The following CCDC30 variants were observed in gnomAD, a reference collection of about 807,000 sequenced individuals.
The protein encoded by CCDC30 is coiled-coil domain containing 30.
In CCDC30, 70 loss-of-function variants were observed where a neutral mutation model predicts 100.2. That is an observed-to-expected ratio of 0.70 (90% CI 0.58 to 0.85). The LOEUF (loss-of-function observed/expected upper bound fraction) is 0.85. Ranked by LOEUF, CCDC30 falls within the 40% of genes least tolerant of loss-of-function variation. The pLI is 0.00. For synonymous variants in CCDC30, 233 were observed against 269.5 expected, an observed-to-expected ratio of 0.86 and a Z score of 1.33; for missense variants, 652 against 771.2, an observed-to-expected ratio of 0.85 and a Z score of 1.83.
At chr1:42,644,663 A>C (rs777213472) in intron 13 of CCDC30, 30 bp from the exon 18 acceptor site, 2 of 1,328,496 alleles carry the variant, frequency 1.5e-6, no homozygotes, top group Non-Finnish European at 2.2e-6. Flanking sequence ...AGAAATCTCT[A>C]ATCATGCCAC....
intron 6 of CCDC30, among the ~76,000 whole-genome samples, chr1:42,544,475 G>A (rs903796155): frequency 6.6e-6 from 1 of 152,126 alleles, no homozygotes; most frequent in Non-Finnish European, 1.5e-5. Flanking sequence ...CAGGGTAGGG[G>A]CTACAATATA....
rs764031027 is a variant in CCDC30, at chr1:42,644,802, G to T, written c.1666G>T (p.Gly556Ter). 1.9e-6 allele frequency: 3 copies of T among 1,600,020 alleles called. No individual in the cohort carries two copies. Among genetic ancestry groups the T allele is most frequent in the Admixed American group, 3.3e-5 (2 of 59,996 alleles). Residue 556 changes from glycine to a stop codon, truncating the protein, a stop_gained, in exon 14 of 17, where the codon GGA becomes TGA. Transcript: ENST00000668663. LOFTEE classifies it high-confidence loss of function. ...TATAAGGAGCATCCATATTCGCAGAGGAGAGGTAAGATGTGTGCTTCCTAT... is the reference window on the plus strand; with the variant it reads ...TATAAGGAGCATCCATATTCGCAGATGAGAGGTAAGATGTGTGCTTCCTAT...
intron 6 of CCDC30, chr1:42,500,296 T>A (rs1644289924): frequency 6.2e-7 from 1 of 1,610,696 alleles, no homozygotes; most frequent in African/African-American, 1.3e-5. Context: ...CAGTTTCGAC[T>A]TATCGAATTT....
rs916623103 is a variant in CCDC30, at chr1:42,570,724, T to C, written c.636+4249T>C. Among the ~76,000 whole-genome samples the C allele has an allele frequency of 2.0e-5, 3 of 152,204 alleles. No homozygotes were observed. The South Asian group carries it at 6.2e-4, about 32-fold the overall frequency. On this transcript the variant is annotated intron_variant, in intron 7 of 16. Transcript: ENST00000668663. ...TATATTTCAAAAATATAATCAGTAT[T>C]TATACCTTGTGTCTGCCTTATGATA...
chr1:42,536,495 A>G (rs776576084), intron 6 of CCDC30: 1 of 1,607,154 alleles, frequency 6.2e-7, no homozygotes, highest in Non-Finnish European at 8.5e-7. Context: ...ATGAGCCAAG[A>G]AAAAAATGAA....
intron 11 of CCDC30, among the ~76,000 whole-genome samples, chr1:42,632,105 A>G (rs544232775): frequency 6.6e-6 from 1 of 152,322 alleles, no homozygotes; most frequent in South Asian, 2.1e-4. Context: ...AGCAAGTCTC[A>G]GAGTCTCACC....
At chr1:42,579,636 AAAAGAGAGAGAGAGAG>A (rs2148589329) in intron 8 of CCDC30, among the ~76,000 whole-genome samples, 1 of 151,904 alleles carries the variant, frequency 6.6e-6, no homozygotes, top group South Asian at 2.1e-4. Context: ...CTCTGTCTCA[AAAAGAGAGAGAGAGAG>A]AAAGAGAGAG....
intron 3 of CCDC30, among the ~76,000 whole-genome samples, chr1:42,485,857 C>T (rs1305914506): frequency 6.6e-6 from 1 of 152,046 alleles, no homozygotes; most frequent in Non-Finnish European, 1.5e-5. Context: ...TAAACATATA[C>T]AATTATTATT....
chr1:42,634,596 A>T (rs1486146842), intron 11 of CCDC30, among the ~76,000 whole-genome samples: 1 of 152,192 alleles, frequency 6.6e-6, no homozygotes, highest in Non-Finnish European at 1.5e-5. Flanking sequence ...TAGTGGTAGT[A>T]TGGATGCTTT....
intron 12 of CCDC30, among the ~76,000 whole-genome samples, chr1:42,640,871 G>A (rs183884720): frequency 8.2e-4 from 124 of 152,008 alleles, no homozygotes; most frequent in Admixed American, 2.1e-3. Context: ...TCCAGCCTGG[G>A]TGAAAGACAA....
chr1:42,610,721 G>A (rs558300447), intron 10 of CCDC30, among the ~76,000 whole-genome samples: 12 of 152,166 alleles, frequency 7.9e-5, no homozygotes, highest in South Asian at 2.1e-4. Flanking sequence ...CATCACACGC[G>A]GCCTTGGAAG....
chr1:42,625,627 G>A (rs1264940789), intron 11 of CCDC30, among the ~76,000 whole-genome samples: 1 of 152,006 alleles, frequency 6.6e-6, no homozygotes, highest in Non-Finnish European at 1.5e-5. Context: ...TGGTCATTCA[G>A]GAGCATATTG....
chr1:42,653,427 C>T (rs1269689712), exon 16 of CCDC30: 1 of 1,601,048 alleles, frequency 6.2e-7, no homozygotes, highest in Non-Finnish European at 8.5e-7. Flanking sequence ...TGAAATATTG[C>T]CTTTATCAAA....
intron 6 of CCDC30, among the ~76,000 whole-genome samples, chr1:42,512,613 T>C (rs893844737): frequency 3.2e-4 from 49 of 152,186 alleles, no homozygotes; most frequent in African/African-American, 1.1e-3. Context: ...ATGGCAACCA[T>C]GGATAGAAAA....
At chr1:42,655,499 A>G (rs1570368507), downstream of CCDC30, among the ~76,000 whole-genome samples, 1 of 152,276 alleles carries the variant, frequency 6.6e-6, no homozygotes, top group Admixed American at 6.5e-5. Flanking sequence ...GTGAGCCGAG[A>G]CTGCACCAGT....
intron 6 of CCDC30, among the ~76,000 whole-genome samples, chr1:42,541,080 G>A (rs1645002487): frequency 6.6e-6 from 1 of 152,162 alleles, no homozygotes; most frequent in African/African-American, 2.4e-5. Context: ...ACAATAGACT[G>A]GGTAGATTAA....
chr1:42,587,928 G>A (rs903463011), intron 9 of CCDC30, among the ~76,000 whole-genome samples: 2 of 152,160 alleles, frequency 1.3e-5, no homozygotes, highest in Non-Finnish European at 2.9e-5. Context: ...AATGAGTATT[G>A]CCAGGGAAAA....
At chr1:42,634,167 C>A (rs1647098095) in intron 11 of CCDC30, among the ~76,000 whole-genome samples, 1 of 151,186 alleles carries the variant, frequency 6.6e-6, no homozygotes, top group African/African-American at 2.4e-5. Context: ...GTGATGCACA[C>A]CTCTAGTCCC....
At chr1:42,624,109 A>G (rs770313846) in intron 11 of CCDC30, among the ~76,000 whole-genome samples, 3 of 152,104 alleles carry the variant, frequency 2.0e-5, no homozygotes, top group Non-Finnish European at 4.4e-5. Context: ...GAATTTGTTT[A>G]TGAGTTCTAG....
Sources: gnomAD v4.1 joint callset for allele counts (sites outside exome capture counted in the v4.1 genomes callset) on GRCh38, gnomAD v4.1.1 for gene constraint, MANE v1.5 for transcripts, NCBI Gene and HGNC (gene_info 2026-07-23, HGNC 2026-07-21) for gene names.